Variants in CDH13 observed in about 807,000 individuals in gnomAD.
The protein encoded by CDH13 is cadherin-13.
Under a neutral mutation model 63.8 loss-of-function variants are expected in CDH13, and 24 were observed. The observed-to-expected ratio is 0.38, with a 90% CI of 0.27 to 0.53. CDH13 has a LOEUF of 0.53. CDH13 is among the 20% of genes least tolerant of loss of function. The pLI, the probability that CDH13 is intolerant of heterozygous loss-of-function variation, is 0.85. For missense variants in CDH13, 1,049 were observed against 903.1 expected, an observed-to-expected ratio of 1.16 and a Z score of -2.07; for synonymous variants, 503 against 355.3, an observed-to-expected ratio of 1.42 and a Z score of -4.67.
At position 82,627,033 on chromosome 16, in the gene CDH13, A is replaced by G. The variant is rs1247615769; in HGVS notation, c.-60A>G. On this transcript the variant is annotated 5_prime_UTR_variant, in exon 1 of 14. The change creates a new upstream start codon in the 5' untranslated region. Coordinates refer to ENST00000567109, the MANE Select transcript of CDH13 (RefSeq NM_001257.5). Reference sequence around the variant, plus strand: ...TCAAAGCCTGGCTCCCACGGAAAATATGCTCAGTGCAGCCGCGTGCATGAA... The same window carrying G: ...TCAAAGCCTGGCTCCCACGGAAAATGTGCTCAGTGCAGCCGCGTGCATGAA... 1 of 1,556,552 alleles carries G rather than the reference A, an allele frequency of 6.4e-7. No individual in the cohort carries two copies. The highest frequency in any genetic ancestry group is 1.4e-5 in the African/African-American group (1 of 73,318).
At chr16:83,287,587 C>T (rs2089350846) in intron 5 of CDH13, among the ~76,000 whole-genome samples, 1 of 152,194 alleles carries the variant, frequency 6.6e-6, no homozygotes, top group African/African-American at 2.4e-5. Flanking sequence ...CTGTCACTGT[C>T]TCCCATCACC....
At chr16:83,232,531 GACA>G (rs1198571705) in intron 5 of CDH13, among the ~76,000 whole-genome samples, 11 of 133,116 alleles carry the variant, frequency 8.3e-5, no homozygotes, top group Non-Finnish European at 1.4e-4. Context: ...CTCAAAAAAC[GACA>G]ACAACAACAA....
rs1904276123 is a variant in CDH13, at chr16:83,795,302, A to G, written c.*272A>G. ...ATGACTTGATCTTCTGGGAGCAGGA[A>G]CAATGACTACTTTTTCTGGTGTGTT... is the stretch of plus-strand genomic sequence containing the variant. On this transcript the variant is annotated 3_prime_UTR_variant, in exon 14 of 14. Coordinates refer to ENST00000567109, the MANE Select transcript of CDH13 (RefSeq NM_001257.5). 2 of 458,388 alleles carry G rather than the reference A, an allele frequency of 4.4e-6. No homozygotes were observed. Among genetic ancestry groups the G allele is most frequent in the Non-Finnish European group, 3.9e-6 (1 of 255,454 alleles). The allele number at this position is 458,388 out of a possible 1,614,324, so 28.4% of individuals were successfully genotyped here. A position where few individuals can be genotyped will look rare whatever the true frequency, so the allele number is the denominator to read the frequency against.
chr16:83,612,692 G>T (rs1435257422), intron 8 of CDH13, among the ~76,000 whole-genome samples: 2 of 151,676 alleles, frequency 1.3e-5, no homozygotes, highest in Non-Finnish European at 2.9e-5. Flanking sequence ...TCATATTCTT[G>T]TAGTGGGTTC....
chr16:83,129,538 C>G (rs1174265638), intron 4 of CDH13, among the ~76,000 whole-genome samples: 1 of 152,190 alleles, frequency 6.6e-6, no homozygotes, highest in Non-Finnish European at 1.5e-5. Flanking sequence ...CAGGGGCTAA[C>G]TTTAACATGG....
intron 3 of CDH13, among the ~76,000 whole-genome samples, chr16:83,054,925 A>G (rs192642637): frequency 6.6e-6 from 1 of 152,262 alleles, no homozygotes; most frequent in East Asian, 1.9e-4. Flanking sequence ...ACTTATCAAT[A>G]TATTGTAGGC....
intron 1 of CDH13, among the ~76,000 whole-genome samples, chr16:82,822,155 G>A (rs1027982726): frequency 4.6e-5 from 7 of 152,050 alleles, no homozygotes; most frequent in African/African-American, 9.7e-5. Context: ...AAGATTACCC[G>A]GGGACACAAG....
At chr16:83,692,463 G>A (rs1256467816) in intron 10 of CDH13, among the ~76,000 whole-genome samples, 2 of 152,280 alleles carry the variant, frequency 1.3e-5, no homozygotes, top group Admixed American at 1.3e-4. Context: ...CCTGTTGCAC[G>A]GGTTGATGAT....
chr16:83,085,534 T>TCTTATCAAAAACCA (rs2033537614), intron 3 of CDH13, among the ~76,000 whole-genome samples: 1 of 152,116 alleles, frequency 6.6e-6, no homozygotes, highest in Admixed American at 6.6e-5. Flanking sequence ...AATAAGAAAG[T>TCTTATCAAAAACCA]CTTATCAAAA....
At chr16:83,648,150 G>T (rs970983340) in intron 8 of CDH13, among the ~76,000 whole-genome samples, 7 of 152,220 alleles carry the variant, frequency 4.6e-5, no homozygotes, top group African/African-American at 1.7e-4. Context: ...CCATACCTTG[G>T]AAGGACCAAG....
intron 2 of CDH13, 55 bp downstream of exon 2, chr16:82,858,528 A>G (rs772698526): frequency 4.3e-5 from 45 of 1,052,374 alleles, no homozygotes; most frequent in Non-Finnish European, 6.4e-5. Flanking sequence ...TGAATTTACT[A>G]ATGTTTATGA....
intron 6 of CDH13, among the ~76,000 whole-genome samples, chr16:83,478,392 G>A (rs1307361593): frequency 2.0e-5 from 3 of 152,132 alleles, no homozygotes; most frequent in Non-Finnish European, 4.4e-5. Flanking sequence ...CTCCCAGTCT[G>A]ACCACAGAGA....
chr16:83,065,721 C>G (rs1253617218), intron 3 of CDH13, among the ~76,000 whole-genome samples: 1 of 87,450 alleles, frequency 1.1e-5, no homozygotes, highest in African/African-American at 6.7e-5. Flanking sequence ...AACAAAAAAA[C>G]AAAAAAACAA....
chr16:82,700,951 A>ACCACCCCCCCCC (rs1567641690), intron 1 of CDH13, among the ~76,000 whole-genome samples: 3 of 13,806 alleles, frequency 2.2e-4, no homozygotes, highest in Non-Finnish European at 6.2e-4. Flanking sequence ...AAGTGCTGGA[A>ACCACCCCCCCCC]CCCGCCCCCC....
intron 3 of CDH13, among the ~76,000 whole-genome samples, chr16:83,036,228 C>A (rs1916841967): frequency 6.7e-6 from 1 of 148,450 alleles, no homozygotes. Context: ...CAGCTCACTG[C>A]AACCTCCACC....
chr16:83,792,591 G>T (rs1483436394), intron 13 of CDH13, among the ~76,000 whole-genome samples: 1 of 152,148 alleles, frequency 6.6e-6, no homozygotes, highest in Non-Finnish European at 1.5e-5. Flanking sequence ...GGAGGGTAAG[G>T]GTGCTGCTAA....
chr16:82,944,062 C>T (rs1904424291), intron 2 of CDH13, among the ~76,000 whole-genome samples: 2 of 152,160 alleles, frequency 1.3e-5, no homozygotes, highest in Admixed American at 6.5e-5. Flanking sequence ...GTCTCTTGAT[C>T]TCCAGCCTTA....
intron 9 of CDH13, among the ~76,000 whole-genome samples, chr16:83,674,650 A>G (rs1914801901): frequency 6.6e-5 from 10 of 152,194 alleles, no homozygotes; most frequent in Admixed American, 6.5e-4. Flanking sequence ...AATCCAACAT[A>G]CAGAAGAACT....
intron 1 of CDH13, among the ~76,000 whole-genome samples, chr16:82,709,525 T>C (rs1224346445): frequency 6.6e-6 from 1 of 152,232 alleles, no homozygotes; most frequent in Non-Finnish European, 1.5e-5. Context: ...TCAGTCTCTC[T>C]GATGTTTCTG....
Sources: gnomAD v4.1 joint callset for allele counts (sites outside exome capture counted in the v4.1 genomes callset) on GRCh38, gnomAD v4.1.1 for gene constraint, MANE v1.5 for transcripts, NCBI Gene and HGNC (gene_info 2026-07-23, HGNC 2026-07-21) for gene names.